Variants in SLC5A11 observed in about 807,000 individuals in gnomAD.
SLC5A11 encodes sodium/myo-inositol cotransporter 2.
In SLC5A11, 48 loss-of-function variants were observed where a neutral mutation model predicts 69.8. That is an observed-to-expected ratio of 0.69 (90% confidence interval 0.55 to 0.87). The LOEUF (loss-of-function observed/expected upper bound fraction) is 0.87. Among genes scored for constraint, SLC5A11 ranks in the 40% least tolerant of loss-of-function variants. The pLI, the probability that SLC5A11 is intolerant of heterozygous loss-of-function variation, is 0.00. For missense variants in SLC5A11, 784 were observed against 866.1 expected, an observed-to-expected ratio of 0.91 and a Z score of 1.19; for synonymous variants, 319 against 342.4, an observed-to-expected ratio of 0.93 and a Z score of 0.75.
In SLC5A11 at chr16:24,907,030, C is replaced by T. The variant is rs140262201; in HGVS notation, c.1120C>T (p.Arg374Cys). 9.6e-5 allele frequency: 155 copies of T among 1,613,936 alleles called. No individual in the cohort carries two copies. In the South Asian group the frequency reaches 1.1e-3, roughly 12 times the overall value. Residue 374 changes from arginine to cysteine, a missense_variant, in exon 12 of 16, where the codon CGT becomes TGT. Transcript: ENST00000347898. Reference sequence around the variant, plus strand: ...GACCTCCCTTCCGCCCCCAGGGCTCCGTGGGCTGATGATGGCTGTGATGGT... The same window carrying T: ...GACCTCCCTTCCGCCCCCAGGGCTCTGTGGGCTGATGATGGCTGTGATGGT...
At chr16:24,887,541 A>C (rs574715480) in intron 8 of SLC5A11, among the ~76,000 whole-genome samples, 1 of 152,304 alleles carries the variant, frequency 6.6e-6, no homozygotes, top group African/African-American at 2.4e-5. Flanking sequence ...ATATGTGTGC[A>C]TATAAGTTTT....
At chr16:24,888,431 AAAG>A (rs1044692311) in intron 8 of SLC5A11, among the ~76,000 whole-genome samples, 10 of 151,888 alleles carry the variant, frequency 6.6e-5, no homozygotes, top group Admixed American at 4.6e-4. Context: ...GATTTAGAAA[AAAG>A]AAGATGACAT....
intron 8 of SLC5A11, among the ~76,000 whole-genome samples, chr16:24,885,850 G>A (rs962154469): frequency 6.6e-6 from 1 of 151,836 alleles, no homozygotes; most frequent in Non-Finnish European, 1.5e-5. Context: ...AAAGATAGAA[G>A]TAGAGGACAA....
intron 7 of SLC5A11, among the ~76,000 whole-genome samples, chr16:24,880,817 A>G (rs1168240059): frequency 6.6e-6 from 1 of 152,136 alleles, no homozygotes; most frequent in Admixed American, 6.6e-5. Flanking sequence ...GCCAAACCAT[A>G]TCACACTCCC....
intron 9 of SLC5A11, among the ~76,000 whole-genome samples, chr16:24,892,049 TA>T (rs35705061): frequency 0.014 from 1,313 of 97,004 alleles, 26 homozygotes; most frequent in African/African-American, 0.045. Flanking sequence ...AGACCATCTC[TA>T]AAAAAAAAAA....
At chr16:24,884,712 G>A (rs923092104) in intron 8 of SLC5A11, among the ~76,000 whole-genome samples, 4 of 150,796 alleles carry the variant, frequency 2.7e-5, no homozygotes, top group Non-Finnish European at 4.4e-5. Flanking sequence ...AGAATGTGAA[G>A]AGACAGCTTT....
chr16:24,873,172 AGG>A (rs1358624891), intron 5 of SLC5A11, among the ~76,000 whole-genome samples: 15 of 132,584 alleles, frequency 1.1e-4, no homozygotes, highest in East Asian at 7.1e-4. Flanking sequence ...AGGAAAGGAA[AGG>A]GGAAAGGGGA....
intron 10 of SLC5A11, among the ~76,000 whole-genome samples, chr16:24,899,806 C>G (rs1461824357): frequency 1.3e-5 from 2 of 152,002 alleles, no homozygotes; most frequent in African/African-American, 4.8e-5. Flanking sequence ...CAGGCTCAAG[C>G]AATTCTCCCA....
intron 7 of SLC5A11, among the ~76,000 whole-genome samples, chr16:24,882,076 A>C (rs2152335004): frequency 6.6e-6 from 1 of 152,286 alleles, no homozygotes; most frequent in Middle Eastern, 3.4e-3. Context: ...AGGCTGCCAT[A>C]GCTGATGAAT....
intron 10 of SLC5A11, among the ~76,000 whole-genome samples, chr16:24,903,201 CT>C (rs1437936343): frequency 1.4e-5 from 2 of 145,536 alleles, no homozygotes; most frequent in Non-Finnish European, 3.0e-5. Flanking sequence ...TTTTTTTTTT[CT>C]CTTATTATTT....
At chr16:24,892,720 T>C (rs1031234131) in intron 9 of SLC5A11, among the ~76,000 whole-genome samples, 1 of 152,172 alleles carries the variant, frequency 6.6e-6, no homozygotes, top group African/African-American at 2.4e-5. Flanking sequence ...TAGTGAGGGC[T>C]GATGACAGTT....
intron 1 of SLC5A11, among the ~76,000 whole-genome samples, chr16:24,849,025 C>T (rs1041090298): frequency 2.0e-5 from 3 of 152,224 alleles, no homozygotes; most frequent in Middle Eastern, 3.4e-3. Flanking sequence ...ATAAATTCTT[C>T]GATGAGACAT....
chr16:24,871,575 G>C (rs1459810353), intron 4 of SLC5A11, among the ~76,000 whole-genome samples: 1 of 151,940 alleles, frequency 6.6e-6, no homozygotes, highest in Non-Finnish European at 1.5e-5. Flanking sequence ...ACCCAGCTGG[G>C]CAAGTTTCTT....
intron 10 of SLC5A11, among the ~76,000 whole-genome samples, chr16:24,901,960 A>ACG (rs1555532978): frequency 1.2e-4 from 15 of 129,292 alleles, no homozygotes; most frequent in African/African-American, 4.2e-4. Flanking sequence ...ACACACACGC[A>ACG]CACACACACA....
At chr16:24,886,949 C>G (rs2085492795) in intron 8 of SLC5A11, among the ~76,000 whole-genome samples, 1 of 152,044 alleles carries the variant, frequency 6.6e-6, no homozygotes, top group African/African-American at 2.4e-5. Context: ...GCCTGGGTGA[C>G]AGGGTGAGAC....
chr16:24,857,275 G>A (rs979673380), intron 1 of SLC5A11, among the ~76,000 whole-genome samples: 4 of 152,170 alleles, frequency 2.6e-5, no homozygotes, highest in African/African-American at 4.8e-5. Context: ...TTTTCATTCC[G>A]GAATGCCCAA....
At chr16:24,892,129 A>T (rs568981042) in intron 9 of SLC5A11, among the ~76,000 whole-genome samples, 1 of 150,866 alleles carries the variant, frequency 6.6e-6, no homozygotes, top group Non-Finnish European at 1.5e-5. Context: ...TGGGAGGCTG[A>T]GGTGGGAGGA....
chr16:24,896,775 A>G (rs547099452), intron 9 of SLC5A11, among the ~76,000 whole-genome samples: 2 of 151,988 alleles, frequency 1.3e-5, no homozygotes, highest in Non-Finnish European at 2.9e-5. Flanking sequence ...CTGATACTAC[A>G]TCATCACACA....
At chr16:24,898,005 A>G (rs756388370) in exon 10 of SLC5A11, 4 of 1,614,054 alleles carry the variant, frequency 2.5e-6, no homozygotes. Context: ...GCTGCCAAGA[A>G]CCTGTCCCAT....
Sources: gnomAD v4.1 joint callset for allele counts (sites outside exome capture counted in the v4.1 genomes callset) on GRCh38, gnomAD v4.1.1 for gene constraint, MANE v1.5 for transcripts, NCBI Gene and HGNC (gene_info 2026-07-23, HGNC 2026-07-21) for gene names.